Variants in COL14A1 observed in about 807,000 individuals in gnomAD.
The protein encoded by COL14A1 is collagen alpha-1(XIV) chain.
COL14A1 carries 136 observed loss-of-function variants against 230.3 expected under a neutral mutation model. The observed-to-expected ratio is 0.59, with a 90% CI of 0.51 to 0.68. The LOEUF is 0.68. COL14A1 is among the 30% of genes least tolerant of loss of function. The pLI is 0.00. For missense variants in COL14A1, 1,976 were observed against 2,215.8 expected (o/e 0.89, Z 2.17); for synonymous variants, 792 against 784.1 (o/e 1.01, Z -0.17).
intron 4 of COL14A1, among the ~76,000 whole-genome samples, 159 bp downstream of exon 4, chr8:120,162,728 T>G (rs1815725016): frequency 6.6e-6 from 1 of 152,226 alleles, no homozygotes; most frequent in Non-Finnish European, 1.5e-5. Context: ...TCCTCTGATC[T>G]CTAATACTTT....
In COL14A1 at chr8:120,333,509, A is replaced by G. The variant is rs552069945; in HGVS notation, c.4785+774A>G. Among the ~76,000 whole-genome samples the G allele has an allele frequency of 1.8e-3, 272 of 152,364 alleles. 1 individual carries two copies. The highest frequency in any genetic ancestry group is 6.2e-3 in the African/African-American group (258 of 41,586). On this transcript the variant is annotated intron_variant, in intron 42 of 47. Transcript: ENST00000297848. ...ATAAACTGAAACATTGAAAAATGCA[A>G]AGATGTGTACAACTGCAAACACACT...
At chr8:120,358,780 C>T (rs562894264) in intron 45 of COL14A1, among the ~76,000 whole-genome samples, 4 of 152,016 alleles carry the variant, frequency 2.6e-5, no homozygotes, top group Non-Finnish European at 5.9e-5. Context: ...TATGATAAAA[C>T]TAAAGTTGTT....
intron 36 of COL14A1, among the ~76,000 whole-genome samples, chr8:120,301,563 C>A (rs571038779): frequency 1.3e-5 from 2 of 152,168 alleles, no homozygotes; most frequent in Non-Finnish European, 2.9e-5. Flanking sequence ...CATGGTATTC[C>A]ATGATGTATA....
chr8:120,349,237 C>T (rs935500271), intron 45 of COL14A1, among the ~76,000 whole-genome samples: 5 of 150,674 alleles, frequency 3.3e-5, no homozygotes, highest in African/African-American at 1.2e-4. Flanking sequence ...CCCATCTGTA[C>T]ATCACCATCA....
chr8:120,129,186 G>A (rs1426921036), intron 1 of COL14A1, among the ~76,000 whole-genome samples: 1 of 152,160 alleles, frequency 6.6e-6, no homozygotes, highest in Non-Finnish European at 1.5e-5. Flanking sequence ...TAACTACGGG[G>A]TAGTGTTCAA....
intron 14 of COL14A1, among the ~76,000 whole-genome samples, chr8:120,221,457 G>C (rs1296609816): frequency 1.3e-5 from 2 of 151,990 alleles, no homozygotes; most frequent in Non-Finnish European, 2.9e-5. Flanking sequence ...GTCTTCATTA[G>C]ATGAAGTAAA....
intron 1 of COL14A1, among the ~76,000 whole-genome samples, chr8:120,127,542 C>T (rs961476157): frequency 1.3e-5 from 2 of 152,172 alleles, no homozygotes; most frequent in African/African-American, 2.4e-5. Flanking sequence ...GGGCCCTCCA[C>T]GCATGTCTTG....
intron 34 of COL14A1, among the ~76,000 whole-genome samples, chr8:120,290,958 T>A (rs1242067466): frequency 6.6e-6 from 1 of 152,198 alleles, no homozygotes; most frequent in East Asian, 1.9e-4. Flanking sequence ...GTTTCTACTT[T>A]GCTTTGGAGA....
intron 1 of COL14A1, among the ~76,000 whole-genome samples, chr8:120,139,251 T>A: frequency 6.6e-6 from 1 of 152,234 alleles, no homozygotes; most frequent in East Asian, 1.9e-4. Context: ...TCGTATAAAA[T>A]ATGCTTAAAT....
At chr8:120,183,411 C>A (rs1476154252) in intron 5 of COL14A1, among the ~76,000 whole-genome samples, 1 of 152,194 alleles carries the variant, frequency 6.6e-6, no homozygotes, top group Non-Finnish European at 1.5e-5. Context: ...GGTTGTCCTG[C>A]ATCTGCTGTC....
chr8:120,184,857 G>A (rs1816597253), intron 5 of COL14A1, among the ~76,000 whole-genome samples: 2 of 152,054 alleles, frequency 1.3e-5, no homozygotes, highest in African/African-American at 4.8e-5. Context: ...ATCCCTTAGA[G>A]GCCCATCCAC....
intron 31 of COL14A1, among the ~76,000 whole-genome samples, chr8:120,283,222 GAA>G (rs1820093001): frequency 6.6e-6 from 1 of 152,150 alleles, no homozygotes; most frequent in Non-Finnish European, 1.5e-5. Context: ...ATATGTAGTA[GAA>G]AGTGATAATG....
intron 23 of COL14A1, among the ~76,000 whole-genome samples, chr8:120,258,193 A>G (rs1208699889): frequency 6.6e-6 from 1 of 152,182 alleles, no homozygotes; most frequent in Non-Finnish European, 1.5e-5. Context: ...CTAGGTGTTC[A>G]ATTTCCTAGA....
At chr8:120,258,804 C>CTG (rs1332046223) in intron 23 of COL14A1, among the ~76,000 whole-genome samples, 1 of 152,150 alleles carries the variant, frequency 6.6e-6, no homozygotes, top group Non-Finnish European at 1.5e-5. Flanking sequence ...ATTCAGAGCC[C>CTG]TGTGAGGTCC....
chr8:120,243,064 G>A (rs1474057633), intron 19 of COL14A1, among the ~76,000 whole-genome samples: 1 of 152,184 alleles, frequency 6.6e-6, no homozygotes, highest in African/African-American at 2.4e-5. Context: ...ATGGCCCGGT[G>A]ATGGGCCAGC....
intron 36 of COL14A1, among the ~76,000 whole-genome samples, chr8:120,306,943 G>A (rs1368364785): frequency 6.6e-6 from 1 of 152,212 alleles, no homozygotes; most frequent in Non-Finnish European, 1.5e-5. Flanking sequence ...TTAACTGGGA[G>A]AGACTAGGCT....
At chr8:120,150,661 A>C (rs548963569) in intron 2 of COL14A1, among the ~76,000 whole-genome samples, 1 of 152,126 alleles carries the variant, frequency 6.6e-6, no homozygotes, top group Non-Finnish European at 1.5e-5. Context: ...GCAATGTTTC[A>C]GTCATAGTAG....
At chr8:120,280,818 T>A in intron 30 of COL14A1, 69 bp downstream of exon 30, 2 of 1,538,958 alleles carry the variant, frequency 1.3e-6, no homozygotes, top group Non-Finnish European at 1.8e-6. Context: ...ATGGGGTTTC[T>A]GTTTTTGTTT....
At chr8:120,264,381 A>G (rs1819442401) in intron 24 of COL14A1, among the ~76,000 whole-genome samples, 1 of 152,176 alleles carries the variant, frequency 6.6e-6, no homozygotes, top group African/African-American at 2.4e-5. Context: ...AGTACACAAG[A>G]CTTAGAGTCA....
Sources: gnomAD v4.1 joint callset for allele counts (sites outside exome capture counted in the v4.1 genomes callset) on GRCh38, gnomAD v4.1.1 for gene constraint, MANE v1.5 for transcripts, NCBI Gene and HGNC (gene_info 2026-07-23, HGNC 2026-07-21) for gene names.